Variants in MED12L observed in about 807,000 individuals in gnomAD.
The protein encoded by MED12L is mediator complex subunit 12L.
A neutral mutation model predicts 281.3 loss-of-function variants in MED12L; 60 were observed. The ratio of observed to expected loss-of-function variants is 0.21; its 90% CI spans 0.17 to 0.26. The LOEUF (loss-of-function observed/expected upper bound fraction) is 0.26. Among genes scored for constraint, MED12L ranks in the 10% least tolerant of loss-of-function variants. MED12L has a pLI of 1.00. For missense variants in MED12L, 2,146 were observed against 2,680.9 expected (o/e 0.80, Z 4.41); for synonymous variants, 974 against 987.2 (o/e 0.99, Z 0.25).
chr3:151,329,017 A>G, intron 16 of MED12L: 6 of 1,553,650 alleles, frequency 3.9e-6, no homozygotes, highest in Non-Finnish European at 4.3e-6. Flanking sequence ...CCTGTTACCA[A>G]TAAACATATA....
Position 151,390,027 on chromosome 3 carries a change from A to T in MED12L, c.5500A>T (p.Ile1834Phe), listed in dbSNP as rs761669551. Residue 1834 changes from isoleucine (I) to phenylalanine (F), a missense_variant, in exon 38 of 45, where the codon ATC (isoleucine) becomes TTC (phenylalanine). Around this residue, in one of 9 missense-constraint regions of MED12L, gnomAD observed 496 missense variants for 512.0 expected, o/e 0.97. Coordinates refer to ENST00000687756, the MANE Select transcript of MED12L (RefSeq NM_001393769.1). ...IYRVPPNYSP[I>F]SSQMMHHPQS... Reference sequence around the variant, plus strand: ...CCGAGTGCCTCCTAATTACTCGCCTATCTCCTCCCAAATGATGCACCATCC... The same window carrying T: ...CCGAGTGCCTCCTAATTACTCGCCTTTCTCCTCCCAAATGATGCACCATCC... 3 of 1,614,096 alleles carry T rather than the reference A, an allele frequency of 1.9e-6. No individual in the cohort carries two copies. Among genetic ancestry groups the T allele is most frequent in the Non-Finnish European group, 2.5e-6 (3 of 1,179,952 alleles).
At chr3:151,370,566 C>T (rs1160396777) in intron 26 of MED12L, among the ~76,000 whole-genome samples, 1 of 152,176 alleles carries the variant, frequency 6.6e-6, no homozygotes, top group Non-Finnish European at 1.5e-5. Context: ...ACCACAGCCT[C>T]CTCTGAGTGT....
rs760092944 is a variant in MED12L, at chr3:151,357,305, C to T, written c.2754C>T (p.Ile918=). The T allele has an allele frequency of 2.5e-5, 41 of 1,613,746 alleles. No homozygotes were observed. Among genetic ancestry groups the T allele is most frequent in the South Asian group, 1.4e-4 (13 of 91,060 alleles). The change falls in exon 20 of 45, where the codon ATC becomes ATT. Residue 918 remains isoleucine, a synonymous_variant. Transcript: ENST00000687756. ...ATACAACAGGACTGTGTGTCTGCAT[C>T]GTGGCTGTTCTCAGGCGCTATCACA... The part of the protein sequence containing the change: ...GSYTTGLCVC[I]VAVLRRYHSC...
chr3:151,102,664 G>A (rs2148666188), intron 2 of MED12L, among the ~76,000 whole-genome samples: 1 of 152,268 alleles, frequency 6.6e-6, no homozygotes, highest in African/African-American at 2.4e-5. Context: ...GTAGAGACAA[G>A]GTCTCACTAT....
chr3:151,243,296 C>T (rs1255592032), intron 16 of MED12L, among the ~76,000 whole-genome samples: 1 of 151,480 alleles, frequency 6.6e-6, no homozygotes, highest in African/African-American at 2.4e-5. Flanking sequence ...AGAAGAGCAA[C>T]TCCAAGACAC....
intron 42 of MED12L, among the ~76,000 whole-genome samples, chr3:151,415,100 T>G (rs1254116045): frequency 6.6e-6 from 1 of 152,242 alleles, no homozygotes; most frequent in African/African-American, 2.4e-5. Context: ...CCACATTATT[T>G]GTTTACTTAC....
intron 16 of MED12L, among the ~76,000 whole-genome samples, chr3:151,245,339 T>TGATGG (rs1735171185): frequency 6.6e-6 from 1 of 151,872 alleles, no homozygotes; most frequent in East Asian, 1.9e-4. Flanking sequence ...TAGACCAATA[T>TGATGG]CCTTGATGAA....
intron 16 of MED12L, among the ~76,000 whole-genome samples, chr3:151,335,572 T>C (rs990846749): frequency 6.6e-6 from 1 of 152,146 alleles, no homozygotes; most frequent in Admixed American, 6.6e-5. Flanking sequence ...TTTTGAACTT[T>C]TCACATCTGG....
intron 16 of MED12L, among the ~76,000 whole-genome samples, chr3:151,218,866 C>CAAAAAAAAA (rs397686351): frequency 1.4e-5 from 1 of 71,368 alleles, no homozygotes; most frequent in Non-Finnish European, 2.8e-5. Flanking sequence ...GACTCAGTCT[C>CAAAAAAAAA]AAAAAAAAAA....
At chr3:151,250,724 A>G (rs1387072790) in intron 16 of MED12L, among the ~76,000 whole-genome samples, 2 of 152,174 alleles carry the variant, frequency 1.3e-5, no homozygotes, top group Non-Finnish European at 2.9e-5. Context: ...TGCTGCTATG[A>G]AAGTGGGTAT....
chr3:151,328,417 G>T, intron 16 of MED12L: 1 of 1,613,158 alleles, frequency 6.2e-7, no homozygotes, highest in Non-Finnish European at 8.5e-7. Context: ...AAATAAACTG[G>T]CATATGTTAT....
chr3:151,309,139 A>ACACACACG (rs796541991), intron 16 of MED12L, among the ~76,000 whole-genome samples: 3 of 96,346 alleles, frequency 3.1e-5, no homozygotes, highest in African/African-American at 1.3e-4. Context: ...ACACACACAC[A>ACACACACG]CGCACACACA....
intron 14 of MED12L, 68 bp from the exon 15 acceptor site, chr3:151,192,481 GT>G (rs1308688698): frequency 1.1e-5 from 12 of 1,114,182 alleles, no homozygotes; most frequent in Non-Finnish European, 1.4e-5. Flanking sequence ...CCACTGTCAT[GT>G]TTTAGCTTCA....
At chr3:151,413,075 T>C in intron 41 of MED12L, 64 bp from the exon 42 acceptor site, 2 of 1,553,598 alleles carry the variant, frequency 1.3e-6, no homozygotes, top group Non-Finnish European at 1.8e-6. Context: ...CATGTGCTGG[T>C]AGCACTGATT....
intron 6 of MED12L, among the ~76,000 whole-genome samples, chr3:151,157,934 A>G (rs140287455): frequency 2.6e-5 from 4 of 152,344 alleles, no homozygotes; most frequent in East Asian, 3.8e-4. Context: ...ATACAAAACT[A>G]TAATAGGATA....
chr3:151,158,429 G>A (rs1356406170), intron 6 of MED12L, among the ~76,000 whole-genome samples: 1 of 151,752 alleles, frequency 6.6e-6, no homozygotes, highest in African/African-American at 2.4e-5. Context: ...CACACTGGGG[G>A]TGTGAAAGCT....
intron 16 of MED12L, among the ~76,000 whole-genome samples, chr3:151,239,630 T>C (rs1228098521): frequency 1.3e-5 from 2 of 152,218 alleles, no homozygotes; most frequent in East Asian, 1.9e-4. Context: ...TCTAAAATAA[T>C]AAGTATGGAT....
At chr3:151,394,988 C>T (rs1714771140) in intron 39 of MED12L, 121 bp downstream of exon 39, 4 of 1,260,672 alleles carry the variant, frequency 3.2e-6, no homozygotes, top group Non-Finnish European at 3.3e-6. Context: ...TGTGTGAGTG[C>T]AGGTCTATCT....
chr3:151,210,768 G>A (rs556793644), intron 16 of MED12L, among the ~76,000 whole-genome samples: 3 of 152,110 alleles, frequency 2.0e-5, no homozygotes, highest in Non-Finnish European at 1.5e-5. Context: ...GTGACTTTTC[G>A]TATCTTGAAA....
Sources: gnomAD v4.1 joint callset for allele counts (sites outside exome capture counted in the v4.1 genomes callset) on GRCh38, gnomAD v4.1.1 for gene constraint, gnomAD v4.1.1 regional missense constraint, MANE v1.5 for transcripts, NCBI Gene and HGNC (gene_info 2026-07-23, HGNC 2026-07-21) for gene names.